The following TRPM6 variants were observed in gnomAD, a reference collection of about 807,000 sequenced individuals.
TRPM6 encodes the protein channel kinase 2.
A neutral mutation model predicts 247.6 loss-of-function variants in TRPM6; 111 were observed. The ratio of observed to expected loss-of-function variants is 0.45; its 90% CI spans 0.38 to 0.52. TRPM6 has a LOEUF of 0.52. Among genes scored for constraint, TRPM6 ranks in the 20% least tolerant of loss-of-function variants. The probability of loss-of-function intolerance (pLI) is 0.00; values close to 1 mark genes in which losing one functional copy is unlikely to be tolerated. For missense variants in TRPM6, 2,126 were observed against 2,421.5 expected (o/e 0.88, Z 2.56); for synonymous variants, 892 against 853.8 (o/e 1.04, Z -0.78).
chr9:74,763,251 T>G, intron 25 of TRPM6, 117 bp from the exon 26 acceptor site: 1 of 986,166 alleles, frequency 1.0e-6, no homozygotes, highest in Non-Finnish European at 1.6e-6. Flanking sequence ...TTCCCTAGGT[T>G]AAGTCTGTCT....
At chr9:74,840,710 G>A (rs542667855) in intron 4 of TRPM6, among the ~76,000 whole-genome samples, 3 of 151,852 alleles carry the variant, frequency 2.0e-5, no homozygotes, top group Non-Finnish European at 4.4e-5. Flanking sequence ...CCAGCTACCC[G>A]GGTGACTGAG....
chr9:74,839,916 G>GGGAGAGAGGGAGGGAA, intron 5 of TRPM6, 108 bp downstream of exon 5: 1 of 746,872 alleles, frequency 1.3e-6, no homozygotes, highest in Non-Finnish European at 2.3e-6. Context: ...GAGGGAGGGA[G>GGGAGAGAGGGAGGGAA]GGAAAGAAAA....
In TRPM6 at chr9:74,723,228, A is replaced by T. The variant is rs1825194442; in HGVS notation, c.*1385T>A. ...TGACATGTTCTCAGCCATATTTCAA[A>T]ATATATATACATTCTTTATGCCAGG... On this transcript the variant is annotated 3_prime_UTR_variant, in exon 39 of 39. Coordinates refer to ENST00000360774, the MANE Select transcript of TRPM6 (RefSeq NM_017662.5). The T allele has an allele frequency of 1.3e-5, 2 of 152,192 alleles. No individual in the cohort carries two copies. Among genetic ancestry groups the T allele is most frequent in the African/African-American group, 4.8e-5 (2 of 41,438 alleles). The allele number at this position is 152,192 out of a possible 1,614,324, so 9.4% of individuals were successfully genotyped here. A position where few individuals can be genotyped will look rare whatever the true frequency, so the allele number is the denominator to read the frequency against.
In TRPM6 at chr9:74,766,579, C is replaced by G. The variant is rs149176847; in HGVS notation, c.3537-3445G>C. On this transcript the variant is annotated intron_variant, in intron 25 of 38. Coordinates refer to ENST00000360774, the MANE Select transcript of TRPM6 (RefSeq NM_017662.5). ...TGTTTTATTTAATCCATGTAACAACCCTATAAGGTAGGAATTACTATTATC... is the reference window on the plus strand; with the variant it reads ...TGTTTTATTTAATCCATGTAACAACGCTATAAGGTAGGAATTACTATTATC... Among the ~76,000 whole-genome samples the G allele has an allele frequency of 1.7e-4, 26 of 152,158 alleles. No homozygotes were observed. In the East Asian group the frequency reaches 5.0e-3, roughly 29 times the overall value.
Position 74,739,394 on chromosome 9 carries a change from T to G in TRPM6, c.5543A>C (p.Lys1848Thr), listed in dbSNP as rs779838228. ...TGGTGTGTAGGGTATGGTTTGTGGT[T>G]TCACTTGGTTGAAGGTATAGATCAA... ...QKLIYTFNQV[K>T]PQTIPYTPRF... The change falls in exon 35 of 39, where the codon AAA (lysine) becomes ACA (threonine). Residue 1848 changes from lysine to threonine, a missense_variant. Transcript: ENST00000360774. 1.1e-5 allele frequency: 18 copies of G among 1,614,060 alleles called. No individual in the cohort carries two copies. Among genetic ancestry groups the G allele is most frequent in the Admixed American group, 1.7e-5 (1 of 60,004 alleles).
At chr9:74,838,848 G>A (rs963412840) in intron 5 of TRPM6, among the ~76,000 whole-genome samples, 1 of 151,990 alleles carries the variant, frequency 6.6e-6, no homozygotes, top group Non-Finnish European at 1.5e-5. Context: ...GGTGGCTCAC[G>A]CCTGTAATCC....
At chr9:74,771,361 G>C (rs1827029268) in intron 25 of TRPM6, among the ~76,000 whole-genome samples, 1 of 152,088 alleles carries the variant, frequency 6.6e-6, no homozygotes. Flanking sequence ...TATTTTTGTG[G>C]TTCCTTACTT....
chr9:74,752,332 T>G lies in TRPM6; in HGVS notation c.4943A>C (p.Lys1648Thr). ...TTGTATAGCACATTGTCCAATTTCTTTAGTTTTCATTTTCTGATGTATGTA... is the reference window on the plus strand; with the variant it reads ...TTGTATAGCACATTGTCCAATTTCTGTAGTTTTCATTTTCTGATGTATGTA... ...EPYIHQKMKT[K>T]EIGQCAIQIS... Residue 1648 changes from lysine (K) to threonine (T), a missense_variant, in exon 29 of 39, where the codon AAA (lysine) becomes ACA (threonine). Physicochemically the swap from Lys to Thr is moderately conservative, Grantham distance 78 (BLOSUM62 -1). Coordinates refer to ENST00000360774, the MANE Select transcript of TRPM6 (RefSeq NM_017662.5). 2 of 1,599,522 alleles carry G rather than the reference T, an allele frequency of 1.3e-6. No individual in the cohort carries two copies. Among genetic ancestry groups the G allele is most frequent in the Non-Finnish European group, 1.7e-6 (2 of 1,169,966 alleles).
rs185507235 is a variant in TRPM6 at position 74,759,253 on chromosome 9, A to G, written c.4785+2443T>C. On this transcript the variant is annotated intron_variant, in intron 27 of 38. Transcript: ENST00000360774. ...AGTCCACTTCTCTATAAAAATTGAC[A>G]AGCTGATTCTAAATTTATATGGAAA... Among the ~76,000 whole-genome samples the G allele has an allele frequency of 4.8e-3, 735 of 152,274 alleles. 2 individuals are homozygous for G. Among genetic ancestry groups the G allele is most frequent in the Non-Finnish European group, 7.8e-3 (532 of 67,962 alleles).
intron 31 of TRPM6, among the ~76,000 whole-genome samples, chr9:74,745,314 TTTA>T (rs1397444536): frequency 6.6e-6 from 1 of 152,220 alleles, no homozygotes; most frequent in Admixed American, 6.5e-5. Flanking sequence ...TCAATATACA[TTTA>T]TTGAGTACCT....
At chr9:74,874,880 A>G (rs528752882) in intron 1 of TRPM6, among the ~76,000 whole-genome samples, 83 of 151,014 alleles carry the variant, frequency 5.5e-4, no homozygotes, top group African/African-American at 2.0e-3. Context: ...CTCAGCCTCC[A>G]CAGTAGCTGG....
In TRPM6 at chr9:74,821,730, C is replaced by T. The variant is rs752617891; in HGVS notation, c.949G>A (p.Glu317Lys). 6.2e-7 allele frequency: 1 copy of T among 1,614,236 alleles called. No homozygotes were observed. Among genetic ancestry groups the T allele is most frequent in the Non-Finnish European group, 8.5e-7 (1 of 1,180,032 alleles). ...VKDKDPVVVC[E>K]GTGRAADLLA... ...AGGTCAGCCGCCCTACCTGTGCCCTCACACACCACCACTGGGTCCTTGTCC... is the reference window on the plus strand; with the variant it reads ...AGGTCAGCCGCCCTACCTGTGCCCTTACACACCACCACTGGGTCCTTGTCC... The change falls in exon 8 of 39, where the codon GAG becomes AAG. Residue 317 changes from glutamate (E) to lysine (K), a missense_variant. Transcript: ENST00000360774.
At chr9:74,847,166 T>G (rs1000330360) in intron 3 of TRPM6, among the ~76,000 whole-genome samples, 3 of 152,156 alleles carry the variant, frequency 2.0e-5, no homozygotes, top group Non-Finnish European at 1.5e-5. Context: ...GTAAAAAAAT[T>G]TTTTTAAATT....
At chr9:74,836,216 T>C (rs2118147766) in intron 5 of TRPM6, among the ~76,000 whole-genome samples, 1 of 152,344 alleles carries the variant, frequency 6.6e-6, no homozygotes, top group African/African-American at 2.4e-5. Context: ...ATAGTTGGAA[T>C]CATACAGTAA....
Position 74,786,438 on chromosome 9 carries a change from T to C in TRPM6, c.2668-313A>G, listed in dbSNP as rs150950222. Among the ~76,000 whole-genome samples, 28 of 152,286 alleles carry C rather than the reference T, an allele frequency of 1.8e-4. No homozygotes were observed. The East Asian group carries it at 3.9e-3, about 21-fold the overall frequency. On this transcript the variant is annotated intron_variant, in intron 20 of 38. Coordinates refer to ENST00000360774, the MANE Select transcript of TRPM6 (RefSeq NM_017662.5). ...AATAGCATGAGAAAACACCAAGACA[T>C]TTTAAAACTCAATACTGCAGGCTGG...
chr9:74,807,178 A>G (rs1298550948), intron 14 of TRPM6, among the ~76,000 whole-genome samples: 2 of 152,084 alleles, frequency 1.3e-5, no homozygotes, highest in Non-Finnish European at 2.9e-5. Flanking sequence ...ATTCTTTATA[A>G]AGGATCCCAA....
intron 11 of TRPM6, among the ~76,000 whole-genome samples, chr9:74,814,745 G>A (rs1478747801): frequency 6.6e-6 from 1 of 152,124 alleles, no homozygotes; most frequent in African/African-American, 2.4e-5. Flanking sequence ...GAGCCTAGGA[G>A]TTCGACCAGC....
At chr9:74,826,098 A>G (rs960849903) in intron 7 of TRPM6, among the ~76,000 whole-genome samples, 7 of 152,142 alleles carry the variant, frequency 4.6e-5, no homozygotes, top group African/African-American at 1.7e-4. Context: ...CAAAGGAGGG[A>G]AAAAGGAAGG....
chr9:74,790,006 A>ATATGTGTGTG (rs111383078), intron 19 of TRPM6, among the ~76,000 whole-genome samples: 1 of 132,816 alleles, frequency 7.5e-6, no homozygotes, highest in Non-Finnish European at 1.6e-5. Context: ...TGAGAGAAAA[A>ATATGTGTGTG]TGTGTGTGTG....
Sources: allele counts gnomAD v4.1 joint callset (sites outside exome capture counted in the v4.1 genomes callset), GRCh38; gene constraint gnomAD v4.1.1; transcripts MANE v1.5; gene names NCBI Gene and HGNC (gene_info 2026-07-23, HGNC 2026-07-21).